CROCC2: variants seen among roughly 807,000 people sequenced by gnomAD.
CROCC2 encodes the protein ciliary rootlet coiled-coil protein 2.
Under a neutral mutation model 177.6 loss-of-function variants are expected in CROCC2, and 163 were observed. The observed-to-expected ratio is 0.92, with a 90% CI of 0.81 to 1.05. The LOEUF is 1.05. Among genes scored for constraint, CROCC2 ranks in the 50% least tolerant of loss-of-function variants. The pLI is 0.00. For synonymous variants in CROCC2, 904 were observed against 787.3 expected (o/e 1.15, Z -2.48); for missense variants, 1,929 against 1,797.8 (o/e 1.07, Z -1.32).
In CROCC2 at chr2:240,922,129, C is replaced by T. The variant is rs116465923; in HGVS notation, c.382-410C>T. ...CCAAGCCCTGAAGCCCCTCCCCCTACACTGACGGCTGGGCTGCCCAGGTAG... is the reference window on the plus strand; with the variant it reads ...CCAAGCCCTGAAGCCCCTCCCCCTATACTGACGGCTGGGCTGCCCAGGTAG... On this transcript the variant is annotated intron_variant, in intron 3 of 31. Transcript: ENST00000690015. Among the ~76,000 whole-genome samples the T allele has an allele frequency of 5.7e-3, 871 of 152,314 alleles. 8 individuals are homozygous for T. The highest frequency in any genetic ancestry group is 0.02 in the African/African-American group (814 of 41,564).
Position 240,950,565 on chromosome 2 carries a change from C to T in CROCC2, c.2829+55C>T, listed in dbSNP as rs80189323. On this transcript the variant is annotated intron_variant, in intron 18 of 31. Coordinates refer to ENST00000690015, the MANE Select transcript of CROCC2 (RefSeq NM_001351305.2). ...TGCTCACACCCACTGCACCTGTCAC[C>T]TCTGGCCCAGCACAAGGGCTGCATG... 3.3e-3 allele frequency: 5,027 copies of T among 1,503,040 alleles called. 229 individuals are homozygous for T. The East Asian group carries it at 0.086, about 26-fold the overall frequency. 93.1% of individuals were successfully genotyped at this position (1,503,040 alleles called of 1,614,324 possible). A position where few individuals can be genotyped will look rare whatever the true frequency, so the allele number is the denominator to read the frequency against.
chr2:240,930,427 G>A (rs1016287594), intron 6 of CROCC2, among the ~76,000 whole-genome samples, 158 bp downstream of exon 6: 3 of 152,178 alleles, frequency 2.0e-5, no homozygotes, highest in African/African-American at 4.8e-5. Flanking sequence ...GCCTCAGGCC[G>A]GCCAGTGGGA....
chr2:240,949,670 C>A lies in CROCC2; in HGVS notation c.2620C>A (p.Arg874=). 2 of 1,549,114 alleles carry A rather than the reference C, an allele frequency of 1.3e-6. No individual in the cohort carries two copies. Among genetic ancestry groups the A allele is most frequent in the Admixed American group, 2.0e-5 (1 of 50,964 alleles). Reference sequence around the variant, plus strand: ...CCTGGAGAGCCAGGCGTTGGCCCACCGAGAGGCCCTGGCACAGCTCCAAAG... The same window carrying A: ...CCTGGAGAGCCAGGCGTTGGCCCACAGAGAGGCCCTGGCACAGCTCCAAAG... ...RALESQALAH[R]EALAQLQREK... The change falls in exon 17 of 32, where the codon CGA becomes AGA. Residue 874 remains arginine, a synonymous_variant. Coordinates refer to ENST00000690015, the MANE Select transcript of CROCC2 (RefSeq NM_001351305.2). This position sits in a 1 kb window ranked among gnomAD's most constrained non-coding sequence, Gnocchi z 4.5.
At position 240,988,801 on chromosome 2, in the gene CROCC2, G is replaced by A; in HGVS notation, c.4614G>A (p.Gln1538=). ...DVARLGAEKE[Q]LDQSLNSLHQ... ...CGAGGCTGGGGGCTGAGAAGGAGCA[G>A]CTGGACCAGTCTCTGAACAGCCTGC... The change falls in exon 29 of 32, where the codon CAG becomes CAA. Residue 1538 remains glutamine (Q), a synonymous_variant. Coordinates refer to ENST00000690015, the MANE Select transcript of CROCC2 (RefSeq NM_001351305.2). 1.3e-6 allele frequency: 2 copies of A among 1,519,110 alleles called. No homozygotes were observed. Among genetic ancestry groups the A allele is most frequent in the South Asian group, 1.2e-5 (1 of 80,102 alleles). The allele number at this position is 1,519,110 out of a possible 1,614,324, so 94.1% of individuals were successfully genotyped here.
chr2:240,925,250 C>T lies in CROCC2; in HGVS notation c.489-474C>T, dbSNP rs111835448. Among the ~76,000 whole-genome samples, 20 of 152,316 alleles carry T rather than the reference C, an allele frequency of 1.3e-4. 1 individual carries two copies. Among genetic ancestry groups the T allele is most frequent in the African/African-American group, 4.1e-4 (17 of 41,568 alleles). ...CGGCTCCCGAGGTCCACCCACCTGGCGGACTTGCACCCCTACTGCAGCAAG... is the reference window on the plus strand; with the variant it reads ...CGGCTCCCGAGGTCCACCCACCTGGTGGACTTGCACCCCTACTGCAGCAAG... On this transcript the variant is annotated intron_variant, in intron 4 of 31. Transcript: ENST00000690015.
At chr2:240,964,715 C>G in intron 22 of CROCC2, 90 bp downstream of exon 22, 2 of 1,417,266 alleles carry the variant, frequency 1.4e-6, no homozygotes, top group East Asian at 5.0e-5. Flanking sequence ...CAGCCCTGGC[C>G]TTGCTGCCGC....
chr2:240,963,437 G>C (rs1159233141), intron 20 of CROCC2, 119 bp from the exon 21 acceptor site: 1 of 1,080,570 alleles, frequency 9.3e-7, no homozygotes, highest in Non-Finnish European at 1.3e-6. Context: ...AAGCGCATGG[G>C]GACCAAGTTG....
At position 240,949,102 on chromosome 2, in the gene CROCC2, T is replaced by C. The variant is rs1378421110; in HGVS notation, c.2482+5T>C. 1 of 1,529,096 alleles carries C rather than the reference T, an allele frequency of 6.5e-7. No individual in the cohort carries two copies. Among genetic ancestry groups the C allele is most frequent in the African/African-American group, 1.4e-5 (1 of 72,340 alleles). The allele number at this position is 1,529,096 out of a possible 1,614,324, so 94.7% of individuals were successfully genotyped here. ...TCGCGCGGCAGGCCTTGCAAGGTGC[T>C]CCAAGGGCGCTCCCTCAGCTCCTTC... On this transcript the variant is annotated splice_donor_5th_base_variant and intron_variant, in intron 16 of 31. Coordinates refer to ENST00000690015, the MANE Select transcript of CROCC2 (RefSeq NM_001351305.2). The surrounding 1 kb of genome is among the most constrained non-coding windows in gnomAD (Gnocchi z 4.5).
Position 240,918,094 on chromosome 2 carries a change from G to A in CROCC2, c.79-632G>A, listed in dbSNP as rs2059331839. On this transcript the variant is annotated intron_variant, in intron 1 of 31. Coordinates refer to ENST00000690015, the MANE Select transcript of CROCC2 (RefSeq NM_001351305.2). This position sits in a 1 kb window ranked among gnomAD's most constrained non-coding sequence, Gnocchi z 6.3. ...TTCCTGCCCACTTCTGGGCCTATTG[G>A]AGCCTCTTCCCTGGCAGTCGGCTTT... Among the ~76,000 whole-genome samples the A allele has an allele frequency of 1.3e-5, 2 of 152,190 alleles. No individual in the cohort carries two copies. Among genetic ancestry groups the A allele is most frequent in the South Asian group, 2.1e-4 (1 of 4,828 alleles).
At chr2:240,976,044 G>C (rs2059761184) in intron 27 of CROCC2, among the ~76,000 whole-genome samples, 1 of 152,174 alleles carries the variant, frequency 6.6e-6, no homozygotes, top group Non-Finnish European at 1.5e-5. Flanking sequence ...CCTTCTTTTG[G>C]TCTCAACGAG....
In CROCC2 at chr2:240,950,391, C is replaced by A. The variant is rs374750769; in HGVS notation, c.2710C>A (p.Gln904Lys). Reference protein sequence around the residue: ...EKEVARCQLEQEKELVTKSAA... With the variant: ...EKEVARCQLEKEKELVTKSAA... ...GGAGGTAGCCAGATGCCAGCTGGAG[C>A]AGGAGAAGGAGCTGGTGACAAAAAG... Residue 904 changes from glutamine to lysine, a missense_variant, in exon 18 of 32, where the codon CAG becomes AAG. Around this residue, in one of 3 missense-constraint regions of CROCC2, gnomAD observed 1,397 missense variants for 1,239.9 expected, o/e 1.13. Transcript: ENST00000690015. The A allele has an allele frequency of 5.3e-4, 825 of 1,550,320 alleles. 11 individuals carry two copies. The South Asian group carries it at 9.2e-3, about 17-fold the overall frequency.
intron 5 of CROCC2, 71 bp downstream of exon 5, chr2:240,925,951 G>T: frequency 7.8e-6 from 5 of 641,312 alleles, no homozygotes; most frequent in Non-Finnish European, 1.4e-5. Flanking sequence ...TAGCAGGCAG[G>T]GACATGGTGA....
At chr2:240,915,813 T>G (rs1347680395) in intron 1 of CROCC2, among the ~76,000 whole-genome samples, 1 of 152,084 alleles carries the variant, frequency 6.6e-6, no homozygotes, top group East Asian at 1.9e-4. Context: ...GGGTCTTTAA[T>G]GCAGGTTGAG....
rs910335498 is a variant in CROCC2, at chr2:240,960,892, C to A, written c.3087+1448C>A. 7.6e-6 allele frequency among the ~76,000 whole-genome samples: 1 copy of A among 131,294 alleles called. No individual in the cohort carries two copies. The highest frequency in any genetic ancestry group is 2.3e-4 in the South Asian group (1 of 4,324). The allele number at this position is 131,294 out of a possible 152,430, so 86.1% of individuals were successfully genotyped here. A position where few individuals can be genotyped will look rare whatever the true frequency, so the allele number is the denominator to read the frequency against. ...TCAGCGACCACACGGGGAAGCAAAA[C>A]GAGATTGCAAAACTGGGGGCAGCAG... On this transcript the variant is annotated intron_variant, in intron 20 of 31. Transcript: ENST00000690015. This position sits in a 1 kb window ranked among gnomAD's most constrained non-coding sequence, Gnocchi z 5.0.
At chr2:240,988,899 C>A in intron 29 of CROCC2, 29 bp downstream of exon 29, 1 of 1,396,206 alleles carries the variant, frequency 7.2e-7, no homozygotes, top group Non-Finnish European at 9.4e-7. Context: ...GCTCTGCATA[C>A]CCCAGGCCTG....
At position 240,946,552 on chromosome 2, in the gene CROCC2, A is replaced by G. The variant is rs373757312; in HGVS notation, c.2363+299A>G. Among the ~76,000 whole-genome samples, 7 of 152,322 alleles carry G rather than the reference A, an allele frequency of 4.6e-5. No individual in the cohort carries two copies. In the East Asian group the frequency reaches 9.7e-4, roughly 21 times the overall value. On this transcript the variant is annotated intron_variant, in intron 15 of 31. Coordinates refer to ENST00000690015, the MANE Select transcript of CROCC2 (RefSeq NM_001351305.2). ...GTGGAATGTCTTGCTCATGGAGCTG[A>G]GGAGTTCAGGGTGAATCCAACTTCA...
chr2:240,956,816 TG>T (rs1241510500), intron 19 of CROCC2, among the ~76,000 whole-genome samples: 1 of 152,174 alleles, frequency 6.6e-6, no homozygotes, highest in Non-Finnish European at 1.5e-5. Context: ...CCATCTGTGA[TG>T]GGGCACCAGG....
intron 18 of CROCC2, chr2:240,955,518 C>A: frequency 4.0e-6 from 1 of 247,916 alleles, no homozygotes; most frequent in East Asian, 7.9e-5. Flanking sequence ...ATGGGGGTGG[C>A]TCATGAAGGC....
chr2:240,913,833 G>T (rs1446216729), intron 1 of CROCC2, among the ~76,000 whole-genome samples: 1 of 152,274 alleles, frequency 6.6e-6, no homozygotes, highest in East Asian at 1.9e-4. Flanking sequence ...CTGGCAGGAG[G>T]CCACCCAGCC....
Sources: gnomAD v4.1 joint callset for allele counts (sites outside exome capture counted in the v4.1 genomes callset) on GRCh38, gnomAD v4.1.1 for gene constraint, gnomAD v4.1.1 regional missense constraint, Gnocchi (gnomAD v3.1) non-coding constraint, MANE v1.5 for transcripts, NCBI Gene and HGNC (gene_info 2026-07-23, HGNC 2026-07-21) for gene names.